Variants in VAV3 observed in about 807,000 individuals in gnomAD.
VAV3 encodes the protein guanine nucleotide exchange factor VAV3.
In VAV3, 94 loss-of-function variants were observed where a neutral mutation model predicts 131.2. The ratio of observed to expected loss-of-function variants is 0.72; its 90% CI spans 0.61 to 0.85. VAV3 has a LOEUF of 0.85. Among genes scored for constraint, VAV3 ranks in the 40% least tolerant of loss-of-function variants. The probability of loss-of-function intolerance (pLI) is 0.00; values close to 1 mark genes in which losing one functional copy is unlikely to be tolerated. For synonymous variants in VAV3, 349 were observed against 342.0 expected (o/e 1.02, Z -0.22); for missense variants, 939 against 1,002.7 (o/e 0.94, Z 0.86).
intron 2 of VAV3, among the ~76,000 whole-genome samples, chr1:107,857,731 C>T (rs907480401): frequency 1.5e-4 from 23 of 152,118 alleles, no homozygotes; most frequent in Admixed American, 5.9e-4. Context: ...GGGAAGTTAT[C>T]GACTGACTGT....
At chr1:107,791,463 G>A (rs1300849133) in intron 2 of VAV3, among the ~76,000 whole-genome samples, 2 of 151,842 alleles carry the variant, frequency 1.3e-5, no homozygotes, top group Admixed American at 1.3e-4. Flanking sequence ...TGTAAAGGAG[G>A]AAATACATTC....
At position 107,765,144 on chromosome 1, in the gene VAV3, C is replaced by G; in HGVS notation, c.853G>C (p.Val285Leu). 3 of 1,613,510 alleles carry G rather than the reference C, an allele frequency of 1.9e-6. No homozygotes were observed. The highest frequency in any genetic ancestry group is 2.5e-6 in the Non-Finnish European group (3 of 1,179,596). The change falls in exon 9 of 27, where the codon GTG (valine) becomes CTG (leucine). Residue 285 changes from valine (V) to leucine (L), a missense_variant. Physicochemically the swap from Val to Leu is conservative, Grantham distance 32. Coordinates refer to ENST00000370056, the MANE Select transcript of VAV3 (RefSeq NM_006113.5). ...LVIYGQYCSG[V>L]ESAISSLDYI... ...TCTAAACTAGAGATGGCTGACTCCACTCCACTGCAGTACTGCCCGTAAATA... is the reference window on the plus strand; with the variant it reads ...TCTAAACTAGAGATGGCTGACTCCAGTCCACTGCAGTACTGCCCGTAAATA...
At chr1:107,806,691 T>C (rs1056945903) in intron 2 of VAV3, among the ~76,000 whole-genome samples, 4 of 152,138 alleles carry the variant, frequency 2.6e-5, no homozygotes, top group South Asian at 2.1e-4. Context: ...CAGTCCAACA[T>C]TGTAGACCAA....
At chr1:107,799,385 TACGAAGTTCCCC>T (rs1436792863) in intron 2 of VAV3, among the ~76,000 whole-genome samples, 1 of 151,584 alleles carries the variant, frequency 6.6e-6, no homozygotes, top group Non-Finnish European at 1.5e-5. Flanking sequence ...AAACATAACT[TACGAAGTTCCCC>T]AATTTAATTT....
intron 18 of VAV3, chr1:107,686,034 T>TGGGGGGGGGGGGGGGGGGG (rs554715740): frequency 2.7e-4 from 23 of 85,066 alleles, no homozygotes; most frequent in East Asian, 4.0e-4. Context: ...GTTGGGGGGG[T>TGGGGGGGGGGGGGGGGGGG]GGGGGGGGAG....
intron 1 of VAV3, among the ~76,000 whole-genome samples, chr1:107,959,742 C>G (rs1571196327): frequency 6.6e-6 from 1 of 152,098 alleles, no homozygotes; most frequent in South Asian, 2.1e-4. Flanking sequence ...CTTGATGACT[C>G]CAAACTTTAT....
chr1:107,694,155 G>C (rs1034531400), intron 17 of VAV3, among the ~76,000 whole-genome samples: 1 of 152,156 alleles, frequency 6.6e-6, no homozygotes, highest in Non-Finnish European at 1.5e-5. Context: ...CCTAACCTTG[G>C]CAAATGCATA....
chr1:107,573,498 T>C, intron 26 of VAV3, 126 bp from the exon 27 acceptor site: 4 of 1,103,868 alleles, frequency 3.6e-6, no homozygotes, highest in Non-Finnish European at 2.6e-6. Flanking sequence ...CCATTGTAGG[T>C]GAGAAGATTG....
chr1:107,795,400 C>T (rs965726169), intron 2 of VAV3, among the ~76,000 whole-genome samples: 2 of 152,054 alleles, frequency 1.3e-5, no homozygotes, highest in Non-Finnish European at 2.9e-5. Context: ...CAGAAAGAAC[C>T]AGGGTAGATC....
intron 19 of VAV3, among the ~76,000 whole-genome samples, chr1:107,646,853 G>A (rs928603721): frequency 6.6e-6 from 1 of 151,860 alleles, no homozygotes; most frequent in Non-Finnish European, 1.5e-5. Flanking sequence ...GCAGAATGCT[G>A]GAGTTTCCCA....
intron 15 of VAV3, among the ~76,000 whole-genome samples, chr1:107,727,566 C>T (rs1462368602): frequency 6.6e-6 from 1 of 151,980 alleles, no homozygotes; most frequent in African/African-American, 2.4e-5. Flanking sequence ...AAACCAATTA[C>T]AAACAGTCTA....
chr1:107,942,350 T>G (rs1674038137), intron 1 of VAV3, among the ~76,000 whole-genome samples: 1 of 152,146 alleles, frequency 6.6e-6, no homozygotes, highest in African/African-American at 2.4e-5. Context: ...GCAGAAATCT[T>G]TACTCAGTGT....
At chr1:107,832,079 TAA>T (rs1161194724) in intron 2 of VAV3, among the ~76,000 whole-genome samples, 1 of 152,198 alleles carries the variant, frequency 6.6e-6, no homozygotes, top group Non-Finnish European at 1.5e-5. Flanking sequence ...AGGTGTGAAG[TAA>T]AGTCAGTCTC....
intron 14 of VAV3, 92 bp from the exon 15 acceptor site, chr1:107,749,169 A>T: frequency 1.0e-6 from 1 of 978,130 alleles, no homozygotes; most frequent in South Asian, 1.5e-5. Flanking sequence ...AAAACTCCTC[A>T]CAATATTATC....
chr1:107,617,459 A>C lies in VAV3; in HGVS notation c.1980+108T>G. 3 of 811,760 alleles carry C rather than the reference A, an allele frequency of 3.7e-6. No homozygotes were observed. In the Admixed American group the frequency reaches 8.7e-5, roughly 23 times the overall value. The allele number at this position is 811,760 out of a possible 1,614,324, so 50.3% of individuals were successfully genotyped here. A position where few individuals can be genotyped will look rare whatever the true frequency, so the allele number is the denominator to read the frequency against. On this transcript the variant is annotated intron_variant, in intron 21 of 26. Coordinates refer to ENST00000370056, the MANE Select transcript of VAV3 (RefSeq NM_006113.5). ...ATAATGATTCTTCCAGAAAATATTA[A>C]TAAAATTAATAACTGACCTGGCCAG... is the stretch of plus-strand genomic sequence containing the variant.
intron 17 of VAV3, among the ~76,000 whole-genome samples, chr1:107,689,803 G>A (rs1309792793): frequency 6.6e-6 from 1 of 152,200 alleles, no homozygotes; most frequent in South Asian, 2.1e-4. Flanking sequence ...CAAGAGCGCT[G>A]GTTTGGGAAG....
intron 15 of VAV3, among the ~76,000 whole-genome samples, chr1:107,745,361 T>C (rs1663275619): frequency 6.6e-6 from 1 of 151,528 alleles, no homozygotes; most frequent in Non-Finnish European, 1.5e-5. Flanking sequence ...CAAGAACATA[T>C]CAGTCCTGCT....
intron 18 of VAV3, among the ~76,000 whole-genome samples, 153 bp from the exon 19 acceptor site, chr1:107,683,686 GTTTGT>G (rs768382482): frequency 2.8e-4 from 43 of 152,094 alleles, no homozygotes; most frequent in Non-Finnish European, 4.4e-4. Context: ...TGGTTTTAAA[GTTTGT>G]TTTATTTGTT....
At chr1:107,700,051 T>A (rs763096741) in intron 17 of VAV3, among the ~76,000 whole-genome samples, 1 of 152,206 alleles carries the variant, frequency 6.6e-6, no homozygotes. Context: ...AATTAAATTA[T>A]AAGTGCAAGT....
Sources: gnomAD v4.1 joint callset for allele counts (sites outside exome capture counted in the v4.1 genomes callset) on GRCh38, gnomAD v4.1.1 for gene constraint, MANE v1.5 for transcripts, NCBI Gene and HGNC (gene_info 2026-07-23, HGNC 2026-07-21) for gene names.